Variants in PCDH9 observed in about 807,000 individuals in gnomAD.
PCDH9 encodes the protein protocadherin 9.
A neutral mutation model predicts 70.6 loss-of-function variants in PCDH9; 24 were observed. That is an observed-to-expected ratio of 0.34 (90% CI 0.25 to 0.48). The LOEUF is 0.48. Among genes scored for constraint, PCDH9 ranks in the 20% least tolerant of loss-of-function variants. The probability of loss-of-function intolerance (pLI) is 0.99; values close to 1 mark genes in which losing one functional copy is unlikely to be tolerated. For missense variants in PCDH9, 1,281 were observed against 1,503.6 expected (o/e 0.85, Z 2.45); for synonymous variants, 562 against 558.5 (o/e 1.01, Z -0.09).
chr13:66,846,310 C>G (rs2081208799), intron 3 of PCDH9, among the ~76,000 whole-genome samples: 1 of 152,036 alleles, frequency 6.6e-6, no homozygotes, highest in African/African-American at 2.4e-5. Flanking sequence ...TCTAAATATG[C>G]AAGGAAATCT....
intron 2 of PCDH9, among the ~76,000 whole-genome samples, chr13:67,150,065 A>G (rs9529194): frequency 0.2 from 29,956 of 152,096 alleles, 3,518 homozygotes; most frequent in Non-Finnish European, 0.25. Context: ...TATTTTTTTG[A>G]TATGGAGTCT....
intron 2 of PCDH9, among the ~76,000 whole-genome samples, chr13:66,936,530 A>G (rs2082918815): frequency 6.6e-6 from 1 of 152,240 alleles, no homozygotes; most frequent in Non-Finnish European, 1.5e-5. Context: ...CAAAAGAAAT[A>G]CAGACAACAG....
intron 4 of PCDH9, among the ~76,000 whole-genome samples, chr13:66,440,465 A>G (rs1026534748): frequency 5.9e-5 from 9 of 152,136 alleles, no homozygotes; most frequent in African/African-American, 2.2e-4. Flanking sequence ...TCTGTAATGA[A>G]TATTATATTT....
intron 2 of PCDH9, among the ~76,000 whole-genome samples, chr13:66,984,748 G>T (rs2083853904): frequency 6.6e-6 from 1 of 152,032 alleles, no homozygotes; most frequent in South Asian, 2.1e-4. Flanking sequence ...TCCATTAAAT[G>T]ACTTTGACCA....
chr13:66,644,191 T>C (rs2077741655), intron 3 of PCDH9, among the ~76,000 whole-genome samples: 2 of 151,770 alleles, frequency 1.3e-5, no homozygotes, highest in Admixed American at 6.6e-5. Flanking sequence ...GGAGGATAAA[T>C]ACAATACATA....
At chr13:66,922,541 A>G (rs1566295082) in intron 2 of PCDH9, among the ~76,000 whole-genome samples, 1 of 151,316 alleles carries the variant, frequency 6.6e-6, no homozygotes, top group Non-Finnish European at 1.5e-5. Flanking sequence ...TATTCCAACA[A>G]CTCACCCAGA....
rs1259612747 is a variant in PCDH9 at position 66,559,660 on chromosome 13, C to T, written c.3340+71550G>A. On this transcript the variant is annotated intron_variant, in intron 4 of 4. Transcript: ENST00000377865. ...CTAAAAATACAAAAAATTAGCCGGG[C>T]GTGGTGGCGGGTGCCTGTAGTCCCA... 1.3e-4 allele frequency among the ~76,000 whole-genome samples: 20 copies of T among 151,238 alleles called. No individual in the cohort carries two copies. In the East Asian group the frequency reaches 3.7e-3, roughly 28 times the overall value.
intron 4 of PCDH9, among the ~76,000 whole-genome samples, chr13:66,583,231 T>C (rs1377921203): frequency 6.6e-6 from 1 of 152,016 alleles, no homozygotes. Context: ...AATAAATGCA[T>C]AAAGGTCATC....
rs71211560 is a variant in PCDH9, at chr13:67,197,089, G to GA, written c.3036+28315dup. Among the ~76,000 whole-genome samples, 481 of 150,850 alleles carry GA rather than the reference G, an allele frequency of 3.2e-3. 4 individuals carry two copies. Among genetic ancestry groups the GA allele is most frequent in the African/African-American group, 0.011 (450 of 41,162 alleles). On this transcript the variant is annotated intron_variant, in intron 2 of 4. Coordinates refer to ENST00000377865, the MANE Select transcript of PCDH9 (RefSeq NM_203487.3). ...ATGAAAGGACAATGGACAAAATATA[G>GA]AAAAAAAAATCAAATTTAACACATA...
chr13:66,388,224 C>G (rs548395826), intron 4 of PCDH9, among the ~76,000 whole-genome samples: 3 of 152,172 alleles, frequency 2.0e-5, no homozygotes, highest in African/African-American at 7.2e-5. Flanking sequence ...GAGAATATAT[C>G]ATTTATATTT....
At chr13:66,315,106 T>C (rs186024086) in intron 4 of PCDH9, among the ~76,000 whole-genome samples, 212 of 152,282 alleles carry the variant, frequency 1.4e-3, no homozygotes, top group Non-Finnish European at 2.4e-3. Context: ...GAGAGCAGCC[T>C]CTAAGAGTTG....
At chr13:66,760,532 G>A (rs1027662109) in intron 3 of PCDH9, among the ~76,000 whole-genome samples, 7 of 152,080 alleles carry the variant, frequency 4.6e-5, no homozygotes, top group African/African-American at 9.7e-5. Context: ...ATCTTCGTAA[G>A]CTGAGGATGT....
chr13:66,823,438 GAT>G (rs2080752009), intron 3 of PCDH9, among the ~76,000 whole-genome samples: 1 of 151,454 alleles, frequency 6.6e-6, no homozygotes, highest in Non-Finnish European at 1.5e-5. Context: ...ATATTATAAA[GAT>G]AATATAAAGA....
chr13:66,536,699 G>T (rs1747120083), intron 4 of PCDH9, among the ~76,000 whole-genome samples: 1 of 151,724 alleles, frequency 6.6e-6, no homozygotes, highest in African/African-American at 2.4e-5. Flanking sequence ...TGGATGAATG[G>T]AATATTTTGA....
At chr13:66,657,485 T>C (rs933475009) in intron 3 of PCDH9, among the ~76,000 whole-genome samples, 2 of 152,198 alleles carry the variant, frequency 1.3e-5, no homozygotes, top group African/African-American at 4.8e-5. Flanking sequence ...TTGCCTGGAT[T>C]ACGTCACAAG....
At position 66,631,294 on chromosome 13, in the gene PCDH9, G is replaced by C; in HGVS notation, c.3256C>G (p.Leu1086Val). The C allele has an allele frequency of 6.2e-7, 1 of 1,607,052 alleles. No individual in the cohort carries two copies. Among genetic ancestry groups the C allele is most frequent in the Middle Eastern group, 1.7e-4 (1 of 6,056 alleles). ...SGTLISHPLP[L>V]VQPQDEFYDQ... Reference sequence around the variant, plus strand: ...TAGAATTCGTCCTGTGGCTGAACCAGAGGAAGAGGGTGTGAGATCAGGGTT... The same window carrying C: ...TAGAATTCGTCCTGTGGCTGAACCACAGGAAGAGGGTGTGAGATCAGGGTT... Residue 1086 changes from leucine (L) to valine (V), a missense_variant, in exon 4 of 5, where the codon CTG becomes GTG. Leu to Val is a conservative substitution (Grantham distance 32). This residue lies in a region of PCDH9 where 264 missense variants were observed against 278.8 expected (regional missense o/e 0.95). Coordinates refer to ENST00000377865, the MANE Select transcript of PCDH9 (RefSeq NM_203487.3).
intron 3 of PCDH9, among the ~76,000 whole-genome samples, chr13:66,654,578 A>G (rs2077901122): frequency 6.6e-6 from 1 of 152,204 alleles, no homozygotes; most frequent in Admixed American, 6.5e-5. Context: ...AATCTTATGT[A>G]CCCTATAAAT....
At chr13:67,042,207 ATG>A (rs1173485993) in intron 2 of PCDH9, among the ~76,000 whole-genome samples, 1 of 152,080 alleles carries the variant, frequency 6.6e-6, no homozygotes, top group Non-Finnish European at 1.5e-5. Flanking sequence ...GATTGTGTGT[ATG>A]TGTGTGTGTT....
intron 2 of PCDH9, among the ~76,000 whole-genome samples, chr13:67,128,160 C>T (rs773445527): frequency 2.0e-5 from 3 of 152,126 alleles, no homozygotes; most frequent in African/African-American, 2.4e-5. Flanking sequence ...GGATGTACCT[C>T]GCCTACAGTG....
Sources: gnomAD v4.1 joint callset for allele counts (sites outside exome capture counted in the v4.1 genomes callset) on GRCh38, gnomAD v4.1.1 for gene constraint, gnomAD v4.1.1 regional missense constraint, MANE v1.5 for transcripts, NCBI Gene and HGNC (gene_info 2026-07-23, HGNC 2026-07-21) for gene names.